Variants in MCTP1 observed in about 807,000 individuals in gnomAD.
The protein encoded by MCTP1 is multiple C2 and transmembrane domain containing 1.
Under a neutral mutation model 120.6 loss-of-function variants are expected in MCTP1, and 69 were observed. The ratio of observed to expected loss-of-function variants is 0.57; its 90% CI spans 0.47 to 0.70. The LOEUF is 0.70. MCTP1 is among the 30% of genes least tolerant of loss of function. MCTP1 has a pLI of 0.00. For synonymous variants in MCTP1, 529 were observed against 493.1 expected (o/e 1.07, Z -0.96); for missense variants, 1,203 against 1,248.8 (o/e 0.96, Z 0.55).
Position 94,706,601 on chromosome 5 carries a change from T to TTGAG in MCTP1, c.*891_*894dup, listed in dbSNP as rs1438078717. The TTGAG allele has an allele frequency of 9.4e-5, 14 of 148,492 alleles. No homozygotes were observed. Among genetic ancestry groups the TTGAG allele is most frequent in the African/African-American group, 2.5e-4 (10 of 40,292 alleles). 9.2% of individuals were successfully genotyped at this position (148,492 alleles called of 1,614,324 possible). A position where few individuals can be genotyped will look rare whatever the true frequency, so the allele number is the denominator to read the frequency against. ...AGGTTTTTTTTTTCTCTGAGAGCAC[T>TTGAG]TGAGTATTTATTAAAATATTTTTAG... On this transcript the variant is annotated 3_prime_UTR_variant, in exon 23 of 23. Transcript: ENST00000515393.
At chr5:94,867,060 A>AAATAGAC (rs1250608580) in intron 17 of MCTP1, 2 of 392,484 alleles carry the variant, frequency 5.1e-6, no homozygotes, top group African/African-American at 4.1e-5. Flanking sequence ...TAATAGTCTA[A>AAATAGAC]AATAGACATA....
chr5:94,922,453 C>T (rs1001238620), intron 7 of MCTP1, among the ~76,000 whole-genome samples: 1 of 151,530 alleles, frequency 6.6e-6, no homozygotes, highest in African/African-American at 2.4e-5. Flanking sequence ...GAACACCCCC[C>T]AAATTCTACT....
chr5:94,732,341 T>C (rs961372371), intron 19 of MCTP1, among the ~76,000 whole-genome samples: 1 of 152,172 alleles, frequency 6.6e-6, no homozygotes, highest in African/African-American at 2.4e-5. Context: ...TTTTTTTTCT[T>C]AGCTCATTAG....
At chr5:95,012,839 A>G (rs908987002) in intron 2 of MCTP1, among the ~76,000 whole-genome samples, 1 of 152,152 alleles carries the variant, frequency 6.6e-6, no homozygotes, top group Non-Finnish European at 1.5e-5. Context: ...AGGCCCATCA[A>G]TAACCCTACA....
At chr5:94,714,996 C>T (rs954345767) in intron 19 of MCTP1, 110 bp from the exon 20 acceptor site, 8 of 689,036 alleles carry the variant, frequency 1.2e-5, no homozygotes, top group South Asian at 1.1e-4. Flanking sequence ...ACTTCATTTT[C>T]GTGTGGTTAT....
intron 1 of MCTP1, among the ~76,000 whole-genome samples, chr5:95,283,161 A>G (rs1393815819): frequency 6.6e-6 from 1 of 152,236 alleles, no homozygotes; most frequent in East Asian, 1.9e-4. Flanking sequence ...CACTTTTACA[A>G]ACCTTGACTC....
chr5:94,867,537 C>A, intron 17 of MCTP1: 4 of 499,708 alleles, frequency 8.0e-6, no homozygotes, highest in East Asian at 3.1e-5. Flanking sequence ...TATAAGGAAG[C>A]ATAAGGTACT....
At chr5:95,274,125 C>T (rs1380600482) in intron 1 of MCTP1, among the ~76,000 whole-genome samples, 1 of 152,178 alleles carries the variant, frequency 6.6e-6, no homozygotes, top group Non-Finnish European at 1.5e-5. Flanking sequence ...GCCACACCTT[C>T]ACTCTCACCT....
chr5:94,927,555 G>A (rs1026357983), intron 6 of MCTP1, among the ~76,000 whole-genome samples: 5 of 151,778 alleles, frequency 3.3e-5, no homozygotes, highest in African/African-American at 1.2e-4. Context: ...CATTTTTGCC[G>A]CTTTAAAAAA....
intron 1 of MCTP1, among the ~76,000 whole-genome samples, chr5:95,260,090 T>C (rs200913302): frequency 6.6e-6 from 1 of 152,210 alleles, no homozygotes; most frequent in Admixed American, 6.5e-5. Context: ...CCTGTGCTTA[T>C]CCTGTATCTG....
intron 1 of MCTP1, among the ~76,000 whole-genome samples, chr5:95,230,716 G>C (rs935931790): frequency 1.3e-5 from 2 of 152,138 alleles, no homozygotes; most frequent in African/African-American, 2.4e-5. Flanking sequence ...TGGAACACTA[G>C]GCATATATGG....
At position 95,045,702 on chromosome 5, in the gene MCTP1, C is replaced by T. The variant is rs555491155; in HGVS notation, c.721-28218G>A. ...GCTATGGTGACCTTATCATTGGATA[C>T]GGAATTTGTACTTAGTATGCAAACA... On this transcript the variant is annotated intron_variant, in intron 1 of 22. Transcript: ENST00000515393. Among the ~76,000 whole-genome samples the T allele has an allele frequency of 4.0e-4, 61 of 152,180 alleles. No individual in the cohort carries two copies. In the Middle Eastern group the frequency reaches 0.01, roughly 25 times the overall value.
intron 1 of MCTP1, among the ~76,000 whole-genome samples, chr5:95,022,382 C>T (rs530706087): frequency 6.6e-6 from 1 of 152,262 alleles, no homozygotes; most frequent in Non-Finnish European, 1.5e-5. Context: ...ACCAGGGCTG[C>T]CTTCCCTTCT....
At chr5:94,804,257 C>T (rs1781803610) in intron 17 of MCTP1, among the ~76,000 whole-genome samples, 2 of 152,162 alleles carry the variant, frequency 1.3e-5, no homozygotes, top group South Asian at 4.1e-4. Flanking sequence ...AGTTCAATTT[C>T]TGCTATTTGA....
At chr5:95,168,521 T>C (rs1386039166) in intron 1 of MCTP1, among the ~76,000 whole-genome samples, 1 of 152,174 alleles carries the variant, frequency 6.6e-6, no homozygotes, top group Non-Finnish European at 1.5e-5. Context: ...ATTCTACCTA[T>C]CCATGAGCAT....
At chr5:95,219,495 T>C (rs1259048694) in intron 1 of MCTP1, among the ~76,000 whole-genome samples, 3 of 151,892 alleles carry the variant, frequency 2.0e-5, no homozygotes, top group African/African-American at 4.8e-5. Flanking sequence ...ATGAGGCTAA[T>C]CAGATGATGA....
At chr5:94,898,484 G>A (rs564729858) in intron 10 of MCTP1, among the ~76,000 whole-genome samples, 1 of 152,176 alleles carries the variant, frequency 6.6e-6, no homozygotes, top group Non-Finnish European at 1.5e-5. Context: ...TATGTTCAAG[G>A]ATGGAACTCT....
intron 20 of MCTP1, among the ~76,000 whole-genome samples, chr5:94,714,224 A>C (rs1015436554): frequency 1.3e-5 from 2 of 152,144 alleles, no homozygotes; most frequent in Non-Finnish European, 2.9e-5. Context: ...CTGTTTTTAT[A>C]ATTTTAAAAA....
chr5:95,008,789 C>T (rs191431504), intron 2 of MCTP1, among the ~76,000 whole-genome samples: 1 of 152,154 alleles, frequency 6.6e-6, no homozygotes, highest in East Asian at 1.9e-4. Context: ...CAGGGTAAGG[C>T]CATACAAAGA....
Sources: allele counts gnomAD v4.1 joint callset (sites outside exome capture counted in the v4.1 genomes callset), GRCh38; gene constraint gnomAD v4.1.1; transcripts MANE v1.5; gene names NCBI Gene and HGNC (gene_info 2026-07-23, HGNC 2026-07-21).